The following SLC9D1 variants were observed in gnomAD, a reference collection of about 807,000 sequenced individuals.
SLC9D1 encodes the protein putative LAG1-interacting protein.
At chr13:113,524,507 G>A in the SLC9D1 span, among the ~76,000 whole-genome samples, 1 of 151,926 alleles carries the variant, frequency 6.6e-6, no homozygotes, top group Non-Finnish European at 1.5e-5. Flanking sequence ...GCTAATTTTT[G>A]TATTTTTTAG....
the SLC9D1 span, chr13:113,524,101 G>A: frequency 2.4e-5 from 11 of 453,360 alleles, no homozygotes; most frequent in South Asian, 1.6e-4. Context: ...ATTGTTGAGT[G>A]GAGTTTTTTT....
At chr13:113,533,898 G>A in the SLC9D1 span, 1 of 665,074 alleles carries the variant, frequency 1.5e-6, no homozygotes, top group Non-Finnish European at 2.6e-6. Context: ...ATGATTCATA[G>A]GTGTTTTTGT....
At chr13:113,503,389 G>A in the SLC9D1 span, 1 of 670,392 alleles carries the variant, frequency 1.5e-6, no homozygotes, top group South Asian at 1.8e-5. Flanking sequence ...GTGTGTATGT[G>A]TGTTTTGGAT....
the SLC9D1 span, chr13:113,491,375 T>G: frequency 5.4e-5 from 8 of 148,668 alleles, no homozygotes; most frequent in African/African-American, 2.0e-4. Flanking sequence ...GGGGCTCACC[T>G]TCCCTTCTTC....
At chr13:113,496,480 A>G in the SLC9D1 span, among the ~76,000 whole-genome samples, 28,188 of 152,212 alleles carry the variant, frequency 0.19, 3,451 homozygotes, top group African/African-American at 0.35. Flanking sequence ...TTAGTTTTAA[A>G]CTAATATATA....
At chr13:113,528,664 T>G in the SLC9D1 span, 7 of 152,214 alleles carry the variant, frequency 4.6e-5, no homozygotes, top group African/African-American at 1.4e-4. Context: ...CAGCCGCTGG[T>G]GGAGGCAGTG....
At chr13:113,538,719 G>A in the SLC9D1 span, among the ~76,000 whole-genome samples, 3 of 152,128 alleles carry the variant, frequency 2.0e-5, no homozygotes, top group African/African-American at 4.8e-5. Context: ...TGCTGCTATC[G>A]TCTACAGTTT....
the SLC9D1 span, among the ~76,000 whole-genome samples, chr13:113,491,722 T>G: frequency 1.3e-5 from 2 of 152,174 alleles, no homozygotes; most frequent in Non-Finnish European, 2.9e-5. Flanking sequence ...CCGGGTGGAC[T>G]CGGGGCCTCC....
chr13:113,496,023 AAGGTC>A, the SLC9D1 span: 1 of 1,605,656 alleles, frequency 6.2e-7, no homozygotes, highest in Non-Finnish European at 8.5e-7. Context: ...GGCTGCAATA[AAGGTC>A]AGTCCTAGAG....
At chr13:113,524,942 T>G in the SLC9D1 span, among the ~76,000 whole-genome samples, 2 of 152,244 alleles carry the variant, frequency 1.3e-5, no homozygotes, top group African/African-American at 4.8e-5. Context: ...CTCGTTACTC[T>G]TTTTCTTTTA....
the SLC9D1 span, among the ~76,000 whole-genome samples, chr13:113,497,257 A>G: frequency 6.6e-6 from 1 of 150,992 alleles, no homozygotes; most frequent in Non-Finnish European, 1.5e-5. Context: ...TGAGACCTGC[A>G]GCTATGTGAG....
the SLC9D1 span, chr13:113,495,743 C>A: frequency 6.2e-7 from 1 of 1,614,030 alleles, no homozygotes; most frequent in Non-Finnish European, 8.5e-7. Context: ...GGGACAGCTG[C>A]AGGAAGCTCT....
the SLC9D1 span, among the ~76,000 whole-genome samples, chr13:113,533,864 C>T: frequency 5.9e-5 from 9 of 152,208 alleles, no homozygotes; most frequent in Non-Finnish European, 1.2e-4. Context: ...TTTGGCTCAA[C>T]ACAACTTAAT....
the SLC9D1 span, chr13:113,495,558 T>C: frequency 2.7e-6 from 4 of 1,508,462 alleles, no homozygotes; most frequent in African/African-American, 5.6e-5. Context: ...TGGATTGCTG[T>C]GCCCTGCCCT....
the SLC9D1 span, among the ~76,000 whole-genome samples, chr13:113,533,093 G>A: frequency 3.6e-5 from 3 of 82,542 alleles, no homozygotes; most frequent in Non-Finnish European, 7.0e-5. Context: ...GAGCTCTGAA[G>A]GACGCTGCCT....
the SLC9D1 span, among the ~76,000 whole-genome samples, chr13:113,521,272 T>TG: frequency 4.0e-5 from 6 of 148,178 alleles, no homozygotes; most frequent in East Asian, 2.1e-4. Flanking sequence ...GGTATGTCTG[T>TG]GGGGGGGTAT....
the SLC9D1 span, chr13:113,496,013 G>A: frequency 5.0e-6 from 8 of 1,610,064 alleles, no homozygotes; most frequent in Non-Finnish European, 6.8e-6. Context: ...CCCTGAGAGA[G>A]GCTGCAATAA....
chr13:113,497,169 T>A, the SLC9D1 span, among the ~76,000 whole-genome samples: 4 of 151,126 alleles, frequency 2.6e-5, no homozygotes, highest in Admixed American at 1.3e-4. Flanking sequence ...TGCATCTCTG[T>A]GATAGGCCCC....
At chr13:113,526,470 A>T in the SLC9D1 span, among the ~76,000 whole-genome samples, 1 of 152,094 alleles carries the variant, frequency 6.6e-6, no homozygotes, top group Admixed American at 6.5e-5. Context: ...CTGTAATCCT[A>T]GTCTTTGGGA....
Sources: allele counts gnomAD v4.1 joint callset (sites outside exome capture counted in the v4.1 genomes callset), GRCh38; gene constraint gnomAD v4.1.1; transcripts MANE v1.5; gene names NCBI Gene and HGNC (gene_info 2026-07-23, HGNC 2026-07-21).